Variants in UBN2 observed in about 807,000 individuals in gnomAD.
UBN2 encodes ubinuclein 2, also known as ubinuclein-2.
Under a neutral mutation model 120.2 loss-of-function variants are expected in UBN2, and 35 were observed. The observed-to-expected ratio is 0.29, with a 90% CI of 0.22 to 0.39. UBN2 has a LOEUF of 0.39. Among genes scored for constraint, UBN2 ranks in the 10% least tolerant of loss-of-function variants. UBN2 has a pLI of 1.00. For missense variants in UBN2, 1,693 were observed against 1,663.2 expected, an observed-to-expected ratio of 1.02 and a Z score of -0.31; for synonymous variants, 661 against 648.7, an observed-to-expected ratio of 1.02 and a Z score of -0.29.
chr7:139,274,164 A>AT (rs1220145380), intron 11 of UBN2, 90 bp downstream of exon 11: 131 of 1,314,232 alleles, frequency 1.0e-4, no homozygotes, highest in Non-Finnish European at 1.3e-4. Context: ...TGTGACATTG[A>AT]TTTTGCTAAG....
In UBN2 at chr7:139,301,854, G is replaced by A. The variant is rs1798264897; in HGVS notation, c.*4018G>A. The A allele has an allele frequency of 6.6e-6, 1 of 152,140 alleles. No homozygotes were observed. Among genetic ancestry groups the A allele is most frequent in the South Asian group, 2.1e-4 (1 of 4,832 alleles). The allele number at this position is 152,140 out of a possible 1,614,324, so 9.4% of individuals were successfully genotyped here. A position where few individuals can be genotyped will look rare whatever the true frequency, so the allele number is the denominator to read the frequency against. On this transcript the variant is annotated 3_prime_UTR_variant, in exon 18 of 18. Coordinates refer to ENST00000473989, the MANE Select transcript of UBN2 (RefSeq NM_173569.4). ...AAAAGAGGCACTTTTACTTTCTATT[G>A]TGCATGTATGATTGTTGTTTTTTGC...
At chr7:139,232,046 C>G in intron 1 of UBN2, 94 bp downstream of exon 1, 1 of 1,284,234 alleles carries the variant, frequency 7.8e-7, no homozygotes, top group Non-Finnish European at 1.1e-6. Context: ...GCCCACCGAG[C>G]GCGTCCGGGT....
intron 17 of UBN2, among the ~76,000 whole-genome samples, chr7:139,295,620 A>C (rs944303400): frequency 7.9e-5 from 12 of 152,240 alleles, no homozygotes; most frequent in Non-Finnish European, 1.6e-4. Context: ...ACTAAAGTTA[A>C]AAAGTTTAAA....
chr7:139,307,452 T>C lies in UBN2; in HGVS notation c.*9616T>C, dbSNP rs1287220670. 2 of 150,404 alleles carry C rather than the reference T, an allele frequency of 1.3e-5. No individual in the cohort carries two copies. Among genetic ancestry groups the C allele is most frequent in the African/African-American group, 4.9e-5 (2 of 40,814 alleles). The allele number at this position is 150,404 out of a possible 1,614,324, so 9.3% of individuals were successfully genotyped here. The stretch of plus-strand genomic sequence containing the variant: ...TGTACCAGCCATGGATTTTTGTAAA[T>C]ATACCTGTCTCCCTTTTTTGTATTT... On this transcript the variant is annotated 3_prime_UTR_variant, in exon 18 of 18. Transcript: ENST00000473989.
intron 2 of UBN2, among the ~76,000 whole-genome samples, chr7:139,246,644 A>G (rs1475481528): frequency 1.3e-5 from 2 of 152,208 alleles, no homozygotes; most frequent in Non-Finnish European, 2.9e-5. Flanking sequence ...TCCTGTAACC[A>G]CTACTACAAT....
Position 139,237,733 on chromosome 7 carries a change from A to G in UBN2, c.561+636A>G, listed in dbSNP as rs535048044. ...TGTCACACAGTGGCAAGAGTAGGCT[A>G]CAGGTCCAGGTCTGTGTAGCTCTAA... On this transcript the variant is annotated intron_variant, in intron 2 of 17. Coordinates refer to ENST00000473989, the MANE Select transcript of UBN2 (RefSeq NM_173569.4). Among the ~76,000 whole-genome samples the G allele has an allele frequency of 3.3e-5, 5 of 152,324 alleles. No individual in the cohort carries two copies. In the South Asian group the frequency reaches 8.3e-4, roughly 25 times the overall value.
chr7:139,297,399 T>A (rs1798139553), intron 17 of UBN2, among the ~76,000 whole-genome samples: 1 of 150,342 alleles, frequency 6.7e-6, no homozygotes. Flanking sequence ...AAAAAAAAAA[T>A]GAAATTGACC....
At chr7:139,310,865 GGTCT>G (rs1455934851), downstream of UBN2, among the ~76,000 whole-genome samples, 44 of 152,280 alleles carry the variant, frequency 2.9e-4, no homozygotes, top group Admixed American at 5.2e-4. Context: ...AGCACATAGA[GGTCT>G]GTCTGGTTCT....
At chr7:139,270,751 T>C (rs1434416973) in intron 8 of UBN2, among the ~76,000 whole-genome samples, 1 of 150,086 alleles carries the variant, frequency 6.7e-6, no homozygotes, top group Non-Finnish European at 1.5e-5. Flanking sequence ...ACTTTTTAAT[T>C]TTTTTTTTTT....
intron 5 of UBN2, among the ~76,000 whole-genome samples, chr7:139,260,253 T>C (rs894697901): frequency 1.1e-4 from 16 of 152,050 alleles, no homozygotes; most frequent in African/African-American, 3.9e-4. Flanking sequence ...CATGTACCAC[T>C]ATGCCTGGCT....
chr7:139,319,989 T>C, the UBN2 span, among the ~76,000 whole-genome samples: 2 of 151,306 alleles, frequency 1.3e-5, no homozygotes, highest in Non-Finnish European at 2.9e-5. Flanking sequence ...GGCAGGAGAA[T>C]GGCGTGAACC....
At chr7:139,273,510 C>A (rs1213145749) in intron 10 of UBN2, 100 bp downstream of exon 10, 1 of 816,932 alleles carries the variant, frequency 1.2e-6, no homozygotes, top group Non-Finnish European at 1.8e-6. Context: ...TTGGAAGCAA[C>A]CAAAGATTAG....
chr7:139,274,339 G>A (rs1797378773), intron 11 of UBN2, among the ~76,000 whole-genome samples: 1 of 152,138 alleles, frequency 6.6e-6, no homozygotes, highest in South Asian at 2.1e-4. Context: ...GAGAAAAAGA[G>A]AAGAGGGAAG....
chr7:139,298,389 C>G lies in UBN2; in HGVS notation c.*553C>G, dbSNP rs1055545824. On this transcript the variant is annotated 3_prime_UTR_variant, in exon 18 of 18. Transcript: ENST00000473989. ...ATAGCACACCCTCGAAAATCCTGAA[C>G]AAACTTGAATCTCCTCCAGTGTGTA... 2.0e-5 allele frequency: 3 copies of G among 152,722 alleles called. No individual in the cohort carries two copies. The highest frequency in any genetic ancestry group is 7.2e-5 in the African/African-American group (3 of 41,574). The allele number at this position is 152,722 out of a possible 1,614,324, so 9.5% of individuals were successfully genotyped here.
At chr7:139,293,571 A>G (rs1798025687) in intron 16 of UBN2, 108 bp downstream of exon 16, 3 of 798,702 alleles carry the variant, frequency 3.8e-6, no homozygotes, top group Admixed American at 3.2e-5. Context: ...TGAAGATTAT[A>G]GTTTTTTTTT....
At chr7:139,293,169 A>G in intron 15 of UBN2, 63 bp from the exon 16 acceptor site, 1 of 1,363,030 alleles carries the variant, frequency 7.3e-7, no homozygotes. Flanking sequence ...AGGATATTAT[A>G]GAAAATAAAT....
chr7:139,240,449 TATA>T (rs1338679655), intron 2 of UBN2, among the ~76,000 whole-genome samples: 2,183 of 36,590 alleles, frequency 0.06, 28 homozygotes, highest in Middle Eastern at 0.1. Context: ...TATATATATA[TATA>T]TATTTTTTTT....
In UBN2 at chr7:139,293,411, G is replaced by A. The variant is rs1208891461; in HGVS notation, c.3849G>A (p.Val1283=). 1.2e-6 allele frequency: 2 copies of A among 1,613,976 alleles called. No homozygotes were observed. Among genetic ancestry groups the A allele is most frequent in the Non-Finnish European group, 1.7e-6 (2 of 1,180,004 alleles). The change falls in exon 16 of 18, where the codon GTG becomes GTA. Residue 1283 remains valine, a synonymous_variant. Coordinates refer to ENST00000473989, the MANE Select transcript of UBN2 (RefSeq NM_173569.4). The part of the protein sequence containing the change: ...IFGFGTDTAG[V]TTTSGSTSAA... ...GCTTTGGAACGGACACAGCTGGAGT[G>A]ACAACCACCTCGGGATCTACCTCAG... is the stretch of plus-strand genomic sequence containing the variant.
At chr7:139,310,674 A>G (rs190425914), downstream of UBN2, among the ~76,000 whole-genome samples, 2 of 152,210 alleles carry the variant, frequency 1.3e-5, no homozygotes, top group Admixed American at 1.3e-4. Context: ...TCAGGAGGCT[A>G]AGGCAGGAGA....
Sources: allele counts gnomAD v4.1 joint callset (sites outside exome capture counted in the v4.1 genomes callset), GRCh38; gene constraint gnomAD v4.1.1; transcripts MANE v1.5; gene names NCBI Gene and HGNC (gene_info 2026-07-23, HGNC 2026-07-21).